The following FRMD1 variants were observed in gnomAD, a reference collection of about 807,000 sequenced individuals.
FRMD1 encodes the protein FERM domain-containing protein 1.
A neutral mutation model predicts 54.9 loss-of-function variants in FRMD1; 51 were observed. That is an observed-to-expected ratio of 0.93 (90% CI 0.74 to 1.17). FRMD1 has a LOEUF of 1.17. FRMD1 is among the 50% of genes most tolerant of loss of function. The probability of loss-of-function intolerance (pLI) is 0.00; values close to 1 mark genes in which losing one functional copy is unlikely to be tolerated. For missense variants in FRMD1, 729 were observed against 743.0 expected, an observed-to-expected ratio of 0.98 and a Z score of 0.22; for synonymous variants, 324 against 306.4, an observed-to-expected ratio of 1.06 and a Z score of -0.60.
intron 1 of FRMD1, among the ~76,000 whole-genome samples, chr6:168,091,988 C>T (rs915567247): frequency 2.0e-5 from 3 of 152,242 alleles, no homozygotes; most frequent in African/African-American, 4.8e-5. Flanking sequence ...TCGGCCTCCC[C>T]GTGAGGTCCT....
intron 1 of FRMD1, among the ~76,000 whole-genome samples, chr6:168,088,749 T>TA (rs1800964094): frequency 6.6e-6 from 1 of 152,010 alleles, no homozygotes; most frequent in African/African-American, 2.4e-5. Flanking sequence ...GCTACCCTCT[T>TA]ACTGCTGTCC....
At chr6:168,085,172 C>A (rs1380233973), upstream of FRMD1, among the ~76,000 whole-genome samples, 3 of 152,266 alleles carry the variant, frequency 2.0e-5, no homozygotes, top group Non-Finnish European at 4.4e-5. Context: ...TAACTGCAGA[C>A]CAGGATGCAG....
intron 1 of FRMD1, chr6:168,075,635 G>C: frequency 1.1e-6 from 1 of 893,064 alleles, no homozygotes; most frequent in Non-Finnish European, 1.8e-6. Context: ...ACCAGTCAGG[G>C]ACACACGATG....
At chr6:168,077,882 A>G (rs899497664) in intron 1 of FRMD1, among the ~76,000 whole-genome samples, 1 of 152,190 alleles carries the variant, frequency 6.6e-6, no homozygotes, top group Non-Finnish European at 1.5e-5. Flanking sequence ...GACATCCCCC[A>G]TTAGCTCAAC....
rs1407046329 is a variant in FRMD1 at position 168,079,017 on chromosome 6, TCGCG to T, written c.74_77del (p.Ala25AspfsTer47). On this transcript the variant is annotated frameshift_variant, in exon 1 of 11. Coordinates refer to ENST00000283309, the MANE Select transcript of FRMD1 (RefSeq NM_024919.6). LOFTEE classifies it high-confidence loss of function. ...GCCTCTCAGGACTGGGTTCCATACA[TCGCG>T]CCCCTGAAGGAGGGAACGTGTCAGG... 1.2e-6 allele frequency: 2 copies of T among 1,612,066 alleles called. No homozygotes were observed. Among genetic ancestry groups the T allele is most frequent in the African/African-American group, 2.7e-5 (2 of 74,948 alleles).
upstream of FRMD1, among the ~76,000 whole-genome samples, chr6:168,082,859 G>A (rs774972117): frequency 2.6e-5 from 4 of 152,192 alleles, no homozygotes; most frequent in Admixed American, 6.5e-5. Context: ...GTTGGGGTGC[G>A]CAGCAGGGTA....
At position 168,079,143 on chromosome 6, in the gene FRMD1, A is replaced by C; in HGVS notation, c.-49T>G. On this transcript the variant is annotated 5_prime_UTR_variant, in exon 1 of 11. Transcript: ENST00000283309. ...CGCCATGGGTCGCAGGTGGGTGCTCAGCACCTCCCAGATCACAGCTGTGCT... is the reference window on the plus strand; with the variant it reads ...CGCCATGGGTCGCAGGTGGGTGCTCCGCACCTCCCAGATCACAGCTGTGCT... 1 of 1,531,910 alleles carries C rather than the reference A, an allele frequency of 6.5e-7. No individual in the cohort carries two copies. The highest frequency in any genetic ancestry group is 8.7e-7 in the Non-Finnish European group (1 of 1,143,782). 94.9% of individuals were successfully genotyped at this position (1,531,910 alleles called of 1,614,324 possible). A position where few individuals can be genotyped will look rare whatever the true frequency, so the allele number is the denominator to read the frequency against.
chr6:168,092,086 TG>T (rs1468431630), intron 1 of FRMD1, among the ~76,000 whole-genome samples: 1 of 152,230 alleles, frequency 6.6e-6, no homozygotes, highest in Non-Finnish European at 1.5e-5. Flanking sequence ...TTGGCTCAAA[TG>T]TCATCTCTGT....
intron 4 of FRMD1, chr6:168,065,837 G>A: frequency 1.0e-6 from 1 of 999,990 alleles, no homozygotes; most frequent in South Asian, 4.7e-5. Context: ...GATTGTGCCT[G>A]CTTAGGGAAT....
intron 1 of FRMD1, chr6:168,092,927 C>T (rs930275897): frequency 6.6e-6 from 1 of 152,154 alleles, no homozygotes. Flanking sequence ...AAGACATGCC[C>T]GGGAATGGGT....
chr6:168,088,753 G>T (rs9364398), intron 1 of FRMD1, among the ~76,000 whole-genome samples: 77,112 of 151,384 alleles, frequency 0.51, 19,996 homozygotes, highest in South Asian at 0.7. Context: ...CCCTCTTACT[G>T]CTGTCCCCTG....
intron 7 of FRMD1, 80 bp downstream of exon 7, chr6:168,062,814 A>G (rs2114967758): frequency 1.2e-6 from 2 of 1,604,500 alleles, no homozygotes; most frequent in Non-Finnish European, 1.7e-6. Context: ...GATGCTACAC[A>G]GCCCAGACTC....
upstream of FRMD1, among the ~76,000 whole-genome samples, chr6:168,086,461 T>C (rs1268947075): frequency 6.8e-6 from 1 of 147,790 alleles, no homozygotes; most frequent in Non-Finnish European, 1.5e-5. Flanking sequence ...CTGCCCACGT[T>C]CCAGCATGGA....
chr6:168,088,601 C>T (rs1800961820), intron 1 of FRMD1, among the ~76,000 whole-genome samples: 1 of 152,168 alleles, frequency 6.6e-6, no homozygotes, highest in Non-Finnish European at 1.5e-5. Flanking sequence ...GAGCTGTGAA[C>T]CCATCAGGAC....
At chr6:168,067,916 C>T (rs1800125701) in intron 2 of FRMD1, among the ~76,000 whole-genome samples, 1 of 151,068 alleles carries the variant, frequency 6.6e-6, no homozygotes, top group Middle Eastern at 3.4e-3. Context: ...TCAAGACAAG[C>T]CTGGACAACA....
At chr6:168,062,519 G>A (rs1256554838) in intron 7 of FRMD1, among the ~76,000 whole-genome samples, 4 of 152,178 alleles carry the variant, frequency 2.6e-5, no homozygotes, top group Non-Finnish European at 5.9e-5. Flanking sequence ...CAGGCACAAA[G>A]CCCGTGAGGC....
In FRMD1 at chr6:168,059,955, C is replaced by G. The variant is rs908463975; in HGVS notation, c.1343-767G>C. On this transcript the variant is annotated intron_variant, in intron 9 of 10. Coordinates refer to ENST00000283309, the MANE Select transcript of FRMD1 (RefSeq NM_024919.6). This position sits in a 1 kb window ranked among gnomAD's most constrained non-coding sequence, Gnocchi z 4.4. ...GAGTATAAAAAGACATGAGTCTAAC[C>G]CAGGCTTTCTGATGGGAGGGAAGCT... 6.6e-6 allele frequency among the ~76,000 whole-genome samples: 1 copy of G among 151,906 alleles called. No individual in the cohort carries two copies. The highest frequency in any genetic ancestry group is 1.5e-5 in the Non-Finnish European group (1 of 67,964).
rs139855032 is a variant in FRMD1, at chr6:168,064,928, G to T, written c.591C>A (p.His197Gln). The change falls in exon 5 of 11, where the codon CAC becomes CAA. Residue 197 changes from histidine (H) to glutamine (Q), a missense_variant. Transcript: ENST00000283309. ...ACCTCCCGGCATGGGCCGACTCCCG[G>T]TGCTCGCCCAGGTCAGCCTGCAGCG... ...ACALQADLGE[H>Q]RESAHAGRYF... is the part of the protein sequence containing the mutation. The T allele has an allele frequency of 8.7e-6, 14 of 1,607,520 alleles. No individual in the cohort carries two copies. In the South Asian group the frequency reaches 1.1e-4, roughly 13 times the overall value.
chr6:168,072,456 C>A (rs1360333271), intron 2 of FRMD1, among the ~76,000 whole-genome samples: 1 of 152,244 alleles, frequency 6.6e-6, no homozygotes, highest in Non-Finnish European at 1.5e-5. Flanking sequence ...TGTGCAGGGC[C>A]TCCCATAGGG....
Sources: gnomAD v4.1 joint callset for allele counts (sites outside exome capture counted in the v4.1 genomes callset) on GRCh38, gnomAD v4.1.1 for gene constraint, Gnocchi (gnomAD v3.1) non-coding constraint, MANE v1.5 for transcripts, NCBI Gene and HGNC (gene_info 2026-07-23, HGNC 2026-07-21) for gene names.